ZNF430: variants seen among roughly 807,000 people sequenced by gnomAD.
ZNF430 encodes the protein zinc finger protein 430.
ZNF430 carries 35 observed loss-of-function variants against 56.7 expected under a neutral mutation model. The ratio of observed to expected loss-of-function variants is 0.62; its 90% CI spans 0.47 to 0.82. The LOEUF is 0.82. ZNF430 is among the 40% of genes least tolerant of loss of function. The probability of loss-of-function intolerance (pLI) is 0.00; values close to 1 mark genes in which losing one functional copy is unlikely to be tolerated. For synonymous variants in ZNF430, 212 were observed against 224.3 expected (o/e 0.94, Z 0.49); for missense variants, 574 against 661.0 (o/e 0.87, Z 1.44).
At chr19:21,020,948 A>G (rs1357388642) in intron 1 of ZNF430, 145 bp downstream of exon 1, 1 of 1,174,372 alleles carries the variant, frequency 8.5e-7, no homozygotes. Flanking sequence ...CTCAGTCCCC[A>G]TCAGCCTTAA....
At chr19:21,056,508 G>T (rs1452720260) in intron 4 of ZNF430, 123 bp from the exon 5 acceptor site, 5 of 686,720 alleles carry the variant, frequency 7.3e-6, no homozygotes, top group Non-Finnish European at 1.1e-5. Context: ...AAAAATTAGG[G>T]CCTTTATTAT....
At chr19:21,025,933 T>C (rs1967784932) in intron 2 of ZNF430, 2 of 424,806 alleles carry the variant, frequency 4.7e-6, no homozygotes, top group African/African-American at 2.1e-5. Context: ...GACTGAAGTT[T>C]CTGTCATTGA....
intron 4 of ZNF430, among the ~76,000 whole-genome samples, chr19:21,054,544 T>A (rs1213554316): frequency 6.6e-6 from 1 of 152,122 alleles, no homozygotes. Flanking sequence ...GACATCACTT[T>A]TATCTTGCAG....
chr19:21,057,592 C>T lies in ZNF430; in HGVS notation c.1284C>T (p.Pro428=). The T allele has an allele frequency of 1.2e-6, 2 of 1,613,082 alleles. No individual in the cohort carries two copies. Among genetic ancestry groups the T allele is most frequent in the Non-Finnish European group, 1.7e-6 (2 of 1,179,898 alleles). The change falls in exon 5 of 5, where the codon CCC becomes CCT. Residue 428 remains proline, a synonymous_variant. Coordinates refer to ENST00000261560, the MANE Select transcript of ZNF430 (RefSeq NM_025189.4). Reference sequence around the variant, plus strand: ...AAAGAATTCATACTGGAGAGAAACCCTACAAATGTGAACAATGTGGCAAAG... The same window carrying T: ...AAAGAATTCATACTGGAGAGAAACCTTACAAATGTGAACAATGTGGCAAAG... ...KHKRIHTGEK[P]YKCEQCGKAF... is the part of the protein sequence containing the mutation.
chr19:21,029,823 G>A (rs1967868483), intron 2 of ZNF430, among the ~76,000 whole-genome samples: 1 of 152,096 alleles, frequency 6.6e-6, no homozygotes, highest in African/African-American at 2.4e-5. Context: ...AAATTAGCCG[G>A]GCGTGGTGGC....
chr19:21,056,889 T>G lies in ZNF430; in HGVS notation c.581T>G (p.Ile194Arg), dbSNP rs1265984425. Residue 194 changes from isoleucine (I) to arginine (R), a missense_variant, in exon 5 of 5, where the codon ATA becomes AGA. Physicochemically the swap from Ile to Arg is moderately conservative, Grantham distance 97. Transcript: ENST00000261560. ...TTTTATAAATTTTCAAATCCAAATA[T>G]ACAAAAGATAAGACATACTGGAAAG... ...NVFYKFSNPN[I>R]QKIRHTGKKP... 1 of 1,609,750 alleles carries G rather than the reference T, an allele frequency of 6.2e-7. No individual in the cohort carries two copies. The highest frequency in any genetic ancestry group is 8.5e-7 in the Non-Finnish European group (1 of 1,178,416).
intron 2 of ZNF430, among the ~76,000 whole-genome samples, chr19:21,023,954 A>G (rs1233132437): frequency 6.6e-6 from 1 of 152,168 alleles, no homozygotes; most frequent in Non-Finnish European, 1.5e-5. Flanking sequence ...TAAATTGCAA[A>G]CACCTTAAAA....
At chr19:21,025,573 C>T (rs1026009925) in intron 2 of ZNF430, among the ~76,000 whole-genome samples, 18 of 151,874 alleles carry the variant, frequency 1.2e-4, no homozygotes, top group African/African-American at 3.9e-4. Flanking sequence ...TGATTCAATA[C>T]ACCTCTGACA....
intron 2 of ZNF430, among the ~76,000 whole-genome samples, chr19:21,026,822 C>CTTTTTTTT (rs1278318937): frequency 1.7e-5 from 1 of 60,100 alleles, no homozygotes; most frequent in African/African-American, 5.1e-5. Flanking sequence ...TTTTTCTTTT[C>CTTTTTTTT]TTTTCTTTTT....
chr19:21,045,749 G>A (rs547228433), intron 4 of ZNF430, among the ~76,000 whole-genome samples: 56 of 151,726 alleles, frequency 3.7e-4, no homozygotes, highest in African/African-American at 1.3e-3. Context: ...TATAAATCTG[G>A]GTCCTCCTTG....
At chr19:21,056,449 A>G (rs1394746827) in intron 4 of ZNF430, among the ~76,000 whole-genome samples, 182 bp from the exon 5 acceptor site, 2 of 151,300 alleles carry the variant, frequency 1.3e-5, no homozygotes, top group African/African-American at 4.9e-5. Context: ...AGATCACGCC[A>G]TTGCACTCCA....
intron 4 of ZNF430, among the ~76,000 whole-genome samples, chr19:21,040,830 T>A (rs1191694152): frequency 6.6e-6 from 1 of 152,152 alleles, no homozygotes; most frequent in Non-Finnish European, 1.5e-5. Flanking sequence ...TGATGTTATA[T>A]ATACATATAC....
chr19:21,022,648 G>A (rs909267544), intron 1 of ZNF430, 141 bp from the exon 2 acceptor site: 8 of 671,138 alleles, frequency 1.2e-5, no homozygotes, highest in Non-Finnish European at 2.1e-5. Context: ...ACTTTATGGG[G>A]TGTTGTGTCC....
At position 21,057,540 on chromosome 19, in the gene ZNF430, AT is replaced by A. The variant is rs1317378828; in HGVS notation, c.1234del (p.Trp412GlyfsTer38). ...YKCEECGKGFNWSSTLTKHKR... is the reference protein window; with the variant it reads ...YKCEECGKGFXWSSTLTKHKR... ...TGTGAAGAATGTGGCAAAGGCTTTA[AT>A]TGGTCCTCGACCCTTACTAAACATA... is the stretch of plus-strand genomic sequence containing the variant. On this transcript the variant is annotated frameshift_variant, in exon 5 of 5. Transcript: ENST00000261560. LOFTEE classifies it high-confidence loss of function. The A allele has an allele frequency of 5.6e-6, 9 of 1,613,270 alleles. No individual in the cohort carries two copies. The highest frequency in any genetic ancestry group is 7.6e-6 in the Non-Finnish European group (9 of 1,179,928).
intron 4 of ZNF430, 57 bp downstream of exon 4, chr19:21,034,241 G>A (rs1437862049): frequency 1.7e-6 from 2 of 1,189,042 alleles, no homozygotes; most frequent in Non-Finnish European, 2.4e-6. Flanking sequence ...AAAGAAGAAA[G>A]CCAATGCTTA....
At chr19:21,038,693 G>A (rs1395631607) in intron 4 of ZNF430, among the ~76,000 whole-genome samples, 3 of 152,082 alleles carry the variant, frequency 2.0e-5, no homozygotes, top group Non-Finnish European at 4.4e-5. Flanking sequence ...CTCACAAAGT[G>A]CTGGCATTAC....
intron 4 of ZNF430, 144 bp from the exon 5 acceptor site, chr19:21,056,487 T>TAAAAA: frequency 4.3e-6 from 2 of 466,530 alleles, no homozygotes; most frequent in Non-Finnish European, 6.9e-6. Context: ...AGACTCTGTC[T>TAAAAA]AAAAAAAAAA....
chr19:21,032,950 T>C (rs903428250), intron 2 of ZNF430, among the ~76,000 whole-genome samples: 1 of 152,230 alleles, frequency 6.6e-6, no homozygotes, highest in African/African-American at 2.4e-5. Context: ...TTTATGCCCT[T>C]AATTTTATGC....
Position 21,038,225 on chromosome 19 carries a change from G to T in ZNF430, c.322+4041G>T, listed in dbSNP as rs373108662. 3.6e-4 allele frequency among the ~76,000 whole-genome samples: 55 copies of T among 152,078 alleles called. 1 individual carries two copies. The highest frequency in any genetic ancestry group is 1.2e-3 in the African/African-American group (48 of 41,504). ...AAAATATTTTTGTATATGATTCAAA[G>T]AAATGATCCAACCTTATTTTATCAG... is the stretch of plus-strand genomic sequence containing the variant. On this transcript the variant is annotated intron_variant, in intron 4 of 4. Coordinates refer to ENST00000261560, the MANE Select transcript of ZNF430 (RefSeq NM_025189.4).
Sources: gnomAD v4.1 joint callset for allele counts (sites outside exome capture counted in the v4.1 genomes callset) on GRCh38, gnomAD v4.1.1 for gene constraint, MANE v1.5 for transcripts, NCBI Gene and HGNC (gene_info 2026-07-23, HGNC 2026-07-21) for gene names.